SRBD1: variants seen among roughly 807,000 people sequenced by gnomAD.
SRBD1 encodes S1 RNA binding domain 1, also known as S1 RNA-binding domain-containing protein 1.
Under a neutral mutation model 115.3 loss-of-function variants are expected in SRBD1, and 88 were observed. That is an observed-to-expected ratio of 0.76 (90% CI 0.64 to 0.91). SRBD1 has a LOEUF of 0.91. Ranked by LOEUF, SRBD1 falls within the 40% of genes least tolerant of loss-of-function variation. The pLI is 0.00. For synonymous variants in SRBD1, 509 were observed against 407.7 expected (o/e 1.25, Z -2.99); for missense variants, 1,385 against 1,177.4 (o/e 1.18, Z -2.58).
At chr2:45,441,055 A>T (rs998752225) in intron 16 of SRBD1, among the ~76,000 whole-genome samples, 2 of 152,252 alleles carry the variant, frequency 1.3e-5, no homozygotes, top group African/African-American at 2.4e-5. Context: ...ACATACATGT[A>T]TGTGGCCACA....
At chr2:45,506,846 C>A (rs1037622622) in intron 14 of SRBD1, among the ~76,000 whole-genome samples, 20 of 152,124 alleles carry the variant, frequency 1.3e-4, no homozygotes, top group African/African-American at 4.1e-4. Flanking sequence ...AAATTAATTT[C>A]TTATTCACCA....
intron 8 of SRBD1, among the ~76,000 whole-genome samples, chr2:45,573,923 G>T (rs775986549): frequency 6.6e-6 from 1 of 152,078 alleles, no homozygotes; most frequent in Non-Finnish European, 1.5e-5. Context: ...CCTCTCCTCT[G>T]CACAGCTCAA....
intron 14 of SRBD1, among the ~76,000 whole-genome samples, chr2:45,538,562 T>A (rs1473830846): frequency 6.6e-6 from 1 of 152,248 alleles, no homozygotes; most frequent in Non-Finnish European, 1.5e-5. Context: ...ATATTTCAAC[T>A]GCTGAAATGA....
chr2:45,401,122 T>C (rs1667281394), intron 19 of SRBD1, among the ~76,000 whole-genome samples: 1 of 152,146 alleles, frequency 6.6e-6, no homozygotes, highest in Non-Finnish European at 1.5e-5. Context: ...TCTTGGGAAC[T>C]AGAGTAAGAT....
At chr2:45,428,111 C>T (rs1186830292) in intron 16 of SRBD1, among the ~76,000 whole-genome samples, 1 of 152,144 alleles carries the variant, frequency 6.6e-6, no homozygotes, top group Non-Finnish European at 1.5e-5. Flanking sequence ...TAAAACGCTC[C>T]TCAGCAAATA....
At chr2:45,542,762 G>A (rs990310373) in intron 14 of SRBD1, among the ~76,000 whole-genome samples, 3 of 152,192 alleles carry the variant, frequency 2.0e-5, no homozygotes, top group Non-Finnish European at 2.9e-5. Flanking sequence ...TGCTCATGCT[G>A]CTTTATTGGT....
chr2:45,592,358 T>G (rs1673753292), intron 4 of SRBD1, among the ~76,000 whole-genome samples: 1 of 152,008 alleles, frequency 6.6e-6, no homozygotes, highest in African/African-American at 2.4e-5. Context: ...CTCCCAAGCA[T>G]AAGGAGGGCA....
chr2:45,491,168 G>C (rs914612103), intron 14 of SRBD1, among the ~76,000 whole-genome samples: 1 of 151,990 alleles, frequency 6.6e-6, no homozygotes, highest in Non-Finnish European at 1.5e-5. Flanking sequence ...ATAGACACTT[G>C]CCAAAAGTAC....
At chr2:45,485,234 C>G (rs1670081901) in intron 15 of SRBD1, among the ~76,000 whole-genome samples, 1 of 152,200 alleles carries the variant, frequency 6.6e-6, no homozygotes. Flanking sequence ...TTTCCTGAAC[C>G]TATAGGGGTT....
chr2:45,470,737 G>C (rs888007757), intron 16 of SRBD1, among the ~76,000 whole-genome samples: 5 of 152,088 alleles, frequency 3.3e-5, no homozygotes, highest in African/African-American at 4.8e-5. Flanking sequence ...GTGTTTTCTT[G>C]GGAGTAACAT....
chr2:45,604,973 G>A (rs559409509), intron 2 of SRBD1, among the ~76,000 whole-genome samples: 1 of 152,260 alleles, frequency 6.6e-6, no homozygotes, highest in South Asian at 2.1e-4. Context: ...AGTGGGTAGA[G>A]GCCAAGGATG....
chr2:45,604,671 G>A (rs962031688), intron 2 of SRBD1, among the ~76,000 whole-genome samples: 3 of 152,120 alleles, frequency 2.0e-5, no homozygotes, highest in African/African-American at 7.2e-5. Flanking sequence ...ATCTTTGCAA[G>A]CTGCACCCCC....
Position 45,419,762 on chromosome 2 carries a change from G to C in SRBD1, c.2156+26C>G, listed in dbSNP as rs1352165120. 3.1e-6 allele frequency: 5 copies of C among 1,601,110 alleles called. 1 individual carries two copies. In the South Asian group the frequency reaches 3.3e-5, roughly 11 times the overall value. On this transcript the variant is annotated intron_variant, in intron 17 of 20. Coordinates refer to ENST00000263736, the MANE Select transcript of SRBD1 (RefSeq NM_018079.5). Reference sequence around the variant, plus strand: ...CAGCCAGTTAAACTCAAGATTCTGTGATCTTCAGCCACATATTTGTCTCAC... The same window carrying C: ...CAGCCAGTTAAACTCAAGATTCTGTCATCTTCAGCCACATATTTGTCTCAC...
At chr2:45,555,367 A>G (rs1481006574) in intron 10 of SRBD1, among the ~76,000 whole-genome samples, 1 of 152,160 alleles carries the variant, frequency 6.6e-6, no homozygotes, top group Non-Finnish European at 1.5e-5. Flanking sequence ...TAAGCAACAG[A>G]GACCCTTTCT....
chr2:45,510,758 A>G (rs1318545828), intron 14 of SRBD1, among the ~76,000 whole-genome samples: 1 of 152,230 alleles, frequency 6.6e-6, no homozygotes, highest in East Asian at 1.9e-4. Flanking sequence ...GCTACCAATT[A>G]GTAAAGTCGG....
At chr2:45,416,540 T>C (rs1172583616) in intron 18 of SRBD1, among the ~76,000 whole-genome samples, 1 of 152,168 alleles carries the variant, frequency 6.6e-6, no homozygotes, top group Non-Finnish European at 1.5e-5. Flanking sequence ...GAAATCTATA[T>C]GTAATAATTT....
chr2:45,444,599 T>C (rs1270529414), intron 16 of SRBD1, among the ~76,000 whole-genome samples: 2 of 152,222 alleles, frequency 1.3e-5, no homozygotes, highest in African/African-American at 4.8e-5. Flanking sequence ...TGCAAATAAA[T>C]AGACAAAGGA....
intron 14 of SRBD1, among the ~76,000 whole-genome samples, chr2:45,518,884 A>C (rs543522907): frequency 6.6e-6 from 1 of 152,168 alleles, no homozygotes; most frequent in South Asian, 2.1e-4. Flanking sequence ...AGTAAAAAAA[A>C]TTATTTAAAT....
At chr2:45,432,003 G>GTATGTATTTATTTATT in intron 16 of SRBD1, among the ~76,000 whole-genome samples, 1 of 142,932 alleles carries the variant, frequency 7.0e-6, no homozygotes, top group Non-Finnish European at 1.5e-5. Flanking sequence ...AGAGTTAAAA[G>GTATGTATTTATTTATT]TATTTATTTA....
Sources: allele counts gnomAD v4.1 joint callset (sites outside exome capture counted in the v4.1 genomes callset), GRCh38; gene constraint gnomAD v4.1.1; transcripts MANE v1.5; gene names NCBI Gene and HGNC (gene_info 2026-07-23, HGNC 2026-07-21).